Variants in DCC observed in about 807,000 individuals in gnomAD.
DCC encodes the protein DCC netrin 1 receptor.
A neutral mutation model predicts 172.5 loss-of-function variants in DCC; 58 were observed. The observed-to-expected ratio is 0.34, with a 90% confidence interval of 0.27 to 0.42. DCC has a LOEUF of 0.42. DCC is among the 10% of genes least tolerant of loss of function. The pLI, the probability that DCC is intolerant of heterozygous loss-of-function variation, is 1.00. For missense variants in DCC, 1,740 were observed against 1,791.0 expected (o/e 0.97, Z 0.51); for synonymous variants, 709 against 644.5 (o/e 1.10, Z -1.52).
At chr18:52,844,000 C>T (rs891227693) in intron 2 of DCC, among the ~76,000 whole-genome samples, 2 of 152,062 alleles carry the variant, frequency 1.3e-5, no homozygotes, top group African/African-American at 4.8e-5. Context: ...TTTTTGAAGT[C>T]AGACGTAATG....
rs1599113879 is a variant in DCC, at chr18:53,086,086, T to C, written c.1261+19920T>C. On this transcript the variant is annotated intron_variant, in intron 7 of 28. Coordinates refer to ENST00000442544, the MANE Select transcript of DCC (RefSeq NM_005215.4). ...CTTCTCCCTCTCCTCCTCCTCCTCC[T>C]CCTCCTCCTCCTCCTCCTCCTCCTC... 7.1e-3 allele frequency among the ~76,000 whole-genome samples: 6 copies of C among 840 alleles called. 1 individual carries two copies. The highest frequency in any genetic ancestry group is 0.02 in the African/African-American group (1 of 50). The allele number at this position is 840 out of a possible 152,430, so 0.6% of individuals were successfully genotyped here.
At chr18:53,059,235 TTA>T (rs536200380) in intron 5 of DCC, among the ~76,000 whole-genome samples, 4 of 152,200 alleles carry the variant, frequency 2.6e-5, no homozygotes, top group Middle Eastern at 3.4e-3. Context: ...CATGTGAAGA[TTA>T]TGGGAACTAT....
At chr18:53,029,243 A>C (rs541316698) in intron 5 of DCC, among the ~76,000 whole-genome samples, 1 of 152,296 alleles carries the variant, frequency 6.6e-6, no homozygotes, top group South Asian at 2.1e-4. Context: ...TGAACAAGGA[A>C]ACACAGATAT....
chr18:52,792,053 A>C (rs2037780830), intron 2 of DCC, among the ~76,000 whole-genome samples: 1 of 152,130 alleles, frequency 6.6e-6, no homozygotes, highest in Non-Finnish European at 1.5e-5. Context: ...AGGGCAAAGA[A>C]TTGGGAAGCC....
In DCC at chr18:52,850,248, C is replaced by T. The variant is rs117676138; in HGVS notation, c.413-55796C>T. Among the ~76,000 whole-genome samples, 1,436 of 152,294 alleles carry T rather than the reference C, an allele frequency of 9.4e-3. 8 individuals are homozygous for T. Among genetic ancestry groups the T allele is most frequent in the Non-Finnish European group, 0.017 (1,130 of 68,000 alleles). On this transcript the variant is annotated intron_variant, in intron 2 of 28. Coordinates refer to ENST00000442544, the MANE Select transcript of DCC (RefSeq NM_005215.4). ...TCAAAATTTGGAATCACTCCCAGTT[C>T]TTCGGAAGTAAAGTTAATTAATCTG...
intron 2 of DCC, among the ~76,000 whole-genome samples, chr18:52,806,556 T>G (rs2038087972): frequency 6.6e-6 from 1 of 152,180 alleles, no homozygotes; most frequent in Non-Finnish European, 1.5e-5. Flanking sequence ...ATCACAAACT[T>G]CTCAGTCTGT....
At chr18:53,193,884 C>T (rs2055402440) in intron 9 of DCC, among the ~76,000 whole-genome samples, 1 of 152,140 alleles carries the variant, frequency 6.6e-6, no homozygotes, top group Non-Finnish European at 1.5e-5. Flanking sequence ...GAAAAATCTG[C>T]TCACTTGACT....
intron 1 of DCC, among the ~76,000 whole-genome samples, chr18:52,523,990 A>G (rs2031900803): frequency 6.6e-6 from 1 of 152,206 alleles, no homozygotes; most frequent in Non-Finnish European, 1.5e-5. Flanking sequence ...AATAATTTTT[A>G]TAGTTCCGTA....
chr18:53,000,585 CTTTTTTT>C (rs71175543), intron 5 of DCC, among the ~76,000 whole-genome samples: 3 of 99,012 alleles, frequency 3.0e-5, no homozygotes, highest in Non-Finnish European at 6.0e-5. Flanking sequence ...AGCTTACATT[CTTTTTTT>C]TTTTTTTTTT....
At chr18:52,421,821 T>C (rs1196929209) in intron 1 of DCC, among the ~76,000 whole-genome samples, 1 of 152,186 alleles carries the variant, frequency 6.6e-6, no homozygotes, top group South Asian at 2.1e-4. Context: ...TGTTTTGTTT[T>C]AGTGATCCTT....
intron 25 of DCC, among the ~76,000 whole-genome samples, chr18:53,474,418 T>G (rs983603280): frequency 2.6e-5 from 4 of 152,124 alleles, no homozygotes; most frequent in African/African-American, 9.7e-5. Flanking sequence ...TTTAATATGG[T>G]TTGGCTGTGT....
intron 14 of DCC, among the ~76,000 whole-genome samples, chr18:53,327,346 G>GGTTTTCATGTAAATGTCT (rs1785103292): frequency 1.3e-5 from 2 of 151,948 alleles, no homozygotes; most frequent in Non-Finnish European, 2.9e-5. Flanking sequence ...AATTCCCTAG[G>GGTTTTCATGTAAATGTCT]GTTTTCATGT....
chr18:52,836,039 T>G (rs2038698619), intron 2 of DCC, among the ~76,000 whole-genome samples: 1 of 151,156 alleles, frequency 6.6e-6, no homozygotes, highest in Non-Finnish European at 1.5e-5. Flanking sequence ...AAACATGTCC[T>G]TCTTCACATG....
chr18:52,507,331 AAC>A (rs2031268519), intron 1 of DCC, among the ~76,000 whole-genome samples: 1 of 152,218 alleles, frequency 6.6e-6, no homozygotes, highest in Non-Finnish European at 1.5e-5. Context: ...CAAATATATT[AAC>A]ACAGTGCTTG....
intron 2 of DCC, among the ~76,000 whole-genome samples, chr18:52,795,910 T>A (rs991169846): frequency 6.6e-6 from 1 of 151,144 alleles, no homozygotes; most frequent in Non-Finnish European, 1.5e-5. Flanking sequence ...ATTCTTTCTA[T>A]TAAATATTGT....
chr18:52,540,853 G>A (rs938733657), intron 1 of DCC, among the ~76,000 whole-genome samples: 8 of 152,048 alleles, frequency 5.3e-5, no homozygotes, highest in South Asian at 4.2e-4. Context: ...TGATCCGCCC[G>A]CCTCGGCCTC....
At chr18:53,403,367 A>G (rs1871318673) in intron 19 of DCC, among the ~76,000 whole-genome samples, 1 of 152,178 alleles carries the variant, frequency 6.6e-6, no homozygotes, top group Admixed American at 6.5e-5. Flanking sequence ...TTAGCTTCTT[A>G]CTTAAATCAT....
At chr18:52,889,812 C>A (rs1355109023) in intron 2 of DCC, among the ~76,000 whole-genome samples, 12 of 152,088 alleles carry the variant, frequency 7.9e-5, no homozygotes, top group Admixed American at 7.9e-4. Flanking sequence ...GTCATCAGAA[C>A]TTTAAGATGA....
At chr18:52,664,396 A>G (rs952876705) in intron 1 of DCC, among the ~76,000 whole-genome samples, 9 of 151,764 alleles carry the variant, frequency 5.9e-5, no homozygotes, top group Non-Finnish European at 1.2e-4. Context: ...GGGAAACGGC[A>G]TATTTTAAAT....
Sources: gnomAD v4.1 joint callset for allele counts (sites outside exome capture counted in the v4.1 genomes callset) on GRCh38, gnomAD v4.1.1 for gene constraint, MANE v1.5 for transcripts, NCBI Gene and HGNC (gene_info 2026-07-23, HGNC 2026-07-21) for gene names.